KCNIP1: variants seen among roughly 807,000 people sequenced by gnomAD.
KCNIP1 encodes potassium voltage-gated channel interacting protein 1.
In KCNIP1, 18 loss-of-function variants were observed where a neutral mutation model predicts 33.0. The ratio of observed to expected loss-of-function variants is 0.55; its 90% CI spans 0.38 to 0.81. The LOEUF is 0.81. KCNIP1 is among the 30% of genes least tolerant of loss of function. The pLI, the probability that KCNIP1 is intolerant of heterozygous loss-of-function variation, is 0.00. For missense variants in KCNIP1, 238 were observed against 271.6 expected (o/e 0.88, Z 0.87); for synonymous variants, 93 against 98.3 (o/e 0.95, Z 0.32).
At chr5:170,685,837 A>C (rs2113804760) in intron 1 of KCNIP1, among the ~76,000 whole-genome samples, 1 of 152,346 alleles carries the variant, frequency 6.6e-6, no homozygotes, top group East Asian at 1.9e-4. Context: ...TTCTGGGAGG[A>C]AACAAGGCCC....
intron 1 of KCNIP1, among the ~76,000 whole-genome samples, chr5:170,609,306 G>A (rs1292251139): frequency 6.6e-6 from 1 of 152,070 alleles, no homozygotes; most frequent in Non-Finnish European, 1.5e-5. Context: ...CATTTATTGA[G>A]TTGTCTGTGT....
intron 1 of KCNIP1, among the ~76,000 whole-genome samples, chr5:170,585,737 C>T (rs964105154): frequency 6.6e-6 from 1 of 152,158 alleles, no homozygotes; most frequent in East Asian, 1.9e-4. Context: ...AGTGAATATT[C>T]CTCCCAGGGC....
chr5:170,367,408 AGAAAGAAAGAAAG>A (rs879868521), intron 1 of KCNIP1, among the ~76,000 whole-genome samples: 1,724 of 116,686 alleles, frequency 0.015, 50 homozygotes, highest in Middle Eastern at 0.026. Context: ...AAAGAAAGAA[AGAAAGAAAGAAAG>A]GAAAGAAAGA....
rs113255909 is a variant in KCNIP1, at chr5:170,363,544, C to A, written c.88+9580C>A. The stretch of plus-strand genomic sequence containing the variant: ...TCATCAGACACCAACCCTGCCCGAA[C>A]CTTAATCTTGGACTTTCAGTGTCCA... On this transcript the variant is annotated intron_variant, in intron 1 of 7. Coordinates refer to the KCNIP1 transcript ENST00000377360. Among the ~76,000 whole-genome samples the A allele has an allele frequency of 9.2e-3, 1,399 of 152,270 alleles. 29 individuals are homozygous for A. The highest frequency in any genetic ancestry group is 0.032 in the African/African-American group (1,328 of 41,540).
At chr5:170,553,659 C>G (rs1288703803) in intron 1 of KCNIP1, among the ~76,000 whole-genome samples, 1 of 152,222 alleles carries the variant, frequency 6.6e-6, no homozygotes, top group Non-Finnish European at 1.5e-5. Flanking sequence ...CGGTAAGACT[C>G]ACCTCAGAGG....
At chr5:170,644,150 A>G (rs1418626190) in intron 1 of KCNIP1, among the ~76,000 whole-genome samples, 1 of 152,214 alleles carries the variant, frequency 6.6e-6, no homozygotes, top group Non-Finnish European at 1.5e-5. Flanking sequence ...CAAGAGGGTC[A>G]GATGATGAGG....
intron 1 of KCNIP1, among the ~76,000 whole-genome samples, chr5:170,441,704 G>A (rs1486976366): frequency 6.6e-6 from 1 of 152,006 alleles, no homozygotes; most frequent in African/African-American, 2.4e-5. Flanking sequence ...CGTGGCTCAC[G>A]CCTGTAATCC....
At chr5:170,536,016 C>T (rs990996337) in intron 1 of KCNIP1, among the ~76,000 whole-genome samples, 1 of 152,202 alleles carries the variant, frequency 6.6e-6, no homozygotes, top group Non-Finnish European at 1.5e-5. Flanking sequence ...TTGAGTTTAG[C>T]TCATAACCCT....
At chr5:170,498,848 C>T (rs1479979630) in intron 1 of KCNIP1, among the ~76,000 whole-genome samples, 1 of 152,152 alleles carries the variant, frequency 6.6e-6, no homozygotes, top group East Asian at 1.9e-4. Context: ...TCATGTTTCA[C>T]AGATGAGGAG....
chr5:170,683,223 G>T (rs751080367), intron 1 of KCNIP1, among the ~76,000 whole-genome samples: 11 of 152,268 alleles, frequency 7.2e-5, no homozygotes, highest in Non-Finnish European at 1.0e-4. Context: ...AGTGCTAAGT[G>T]CCTTTATATA....
chr5:170,720,031 G>A (rs951404777), intron 2 of KCNIP1, among the ~76,000 whole-genome samples: 10 of 152,176 alleles, frequency 6.6e-5, no homozygotes, highest in African/African-American at 2.4e-4. Context: ...ATCAGAGACT[G>A]GCTTGGCCAA....
At chr5:170,623,520 C>G (rs1319729774) in intron 1 of KCNIP1, among the ~76,000 whole-genome samples, 2 of 152,070 alleles carry the variant, frequency 1.3e-5, no homozygotes, top group African/African-American at 4.8e-5. Context: ...CCCGGGGACC[C>G]CTGTCTTAAA....
intron 1 of KCNIP1, among the ~76,000 whole-genome samples, chr5:170,542,181 T>G (rs966840292): frequency 2.6e-5 from 4 of 152,204 alleles, no homozygotes; most frequent in Admixed American, 6.5e-5. Flanking sequence ...TGCCAACATT[T>G]ACTAAGCACC....
At chr5:170,651,944 A>G (rs1411466782) in intron 1 of KCNIP1, among the ~76,000 whole-genome samples, 1 of 152,210 alleles carries the variant, frequency 6.6e-6, no homozygotes, top group Non-Finnish European at 1.5e-5. Flanking sequence ...CATGTTTTTA[A>G]ATGTGAAAAA....
chr5:170,704,422 C>T (rs1485792665), intron 1 of KCNIP1, among the ~76,000 whole-genome samples: 3 of 110,404 alleles, frequency 2.7e-5, no homozygotes, highest in East Asian at 2.0e-4. Context: ...GTCTTCTCTT[C>T]GGTAAAATGA....
intron 1 of KCNIP1, among the ~76,000 whole-genome samples, chr5:170,629,171 C>T (rs1181542726): frequency 6.6e-6 from 1 of 152,238 alleles, no homozygotes; most frequent in Non-Finnish European, 1.5e-5. Flanking sequence ...AAGCTCACCA[C>T]TCTGGGAGAC....
chr5:170,400,078 G>C (rs1188046996), intron 1 of KCNIP1, among the ~76,000 whole-genome samples: 2 of 152,324 alleles, frequency 1.3e-5, no homozygotes, highest in East Asian at 3.9e-4. Flanking sequence ...TTAGACCAGG[G>C]ATTGGAATTC....
At chr5:170,559,026 T>C (rs1212089584) in intron 1 of KCNIP1, among the ~76,000 whole-genome samples, 1 of 152,214 alleles carries the variant, frequency 6.6e-6, no homozygotes, top group African/African-American at 2.4e-5. Context: ...ATCTCAAGTA[T>C]TTCTTAGTCA....
At chr5:170,547,716 G>T (rs1467448045) in intron 1 of KCNIP1, among the ~76,000 whole-genome samples, 3 of 152,018 alleles carry the variant, frequency 2.0e-5, no homozygotes, top group African/African-American at 7.2e-5. Context: ...CTTTTTAATG[G>T]CTGCATAGCA....
Sources: gnomAD v4.1 joint callset for allele counts (sites outside exome capture counted in the v4.1 genomes callset) on GRCh38, gnomAD v4.1.1 for gene constraint, MANE v1.5 for transcripts, NCBI Gene and HGNC (gene_info 2026-07-23, HGNC 2026-07-21) for gene names.